AVEN: variants seen among roughly 807,000 people sequenced by gnomAD.
The protein encoded by AVEN is apoptosis and caspase activation inhibitor.
Under a neutral mutation model 38.1 loss-of-function variants are expected in AVEN, and 41 were observed. The observed-to-expected ratio is 1.08, with a 90% CI of 0.84 to 1.40. AVEN has a LOEUF of 1.40. Ranked by LOEUF, AVEN falls within the 40% of genes most tolerant of loss-of-function variation. The pLI is 0.00. For missense variants in AVEN, 605 were observed against 438.8 expected, an observed-to-expected ratio of 1.38 and a Z score of -3.38; for synonymous variants, 206 against 171.8, an observed-to-expected ratio of 1.20 and a Z score of -1.56.
chr15:33,968,658 G>A (rs1324639588), intron 2 of AVEN: 2 of 152,092 alleles, frequency 1.3e-5, no homozygotes, highest in Admixed American at 6.6e-5. Flanking sequence ...GGAAGCTGAT[G>A]GACTGAAAAG....
At chr15:33,916,644 C>T (rs1173254230) in intron 2 of AVEN, among the ~76,000 whole-genome samples, 1 of 152,064 alleles carries the variant, frequency 6.6e-6, no homozygotes, top group African/African-American at 2.4e-5. Context: ...TGCAATACTA[C>T]ATTACTCCTG....
At chr15:34,055,659 G>C (rs1011770030) in intron 5 of AVEN, among the ~76,000 whole-genome samples, 8 of 148,182 alleles carry the variant, frequency 5.4e-5, no homozygotes, top group Non-Finnish European at 8.9e-5. Flanking sequence ...AAATTAGCCA[G>C]GCATGGTGGC....
intron 3 of AVEN, chr15:34,066,268 C>T (rs1364895275): frequency 6.6e-6 from 1 of 152,224 alleles, no homozygotes; most frequent in African/African-American, 2.4e-5. Context: ...ACCTGCTCTA[C>T]CAGCGCCAGA....
chr15:34,015,373 T>A (rs1464979327), intron 1 of AVEN, among the ~76,000 whole-genome samples: 1 of 151,868 alleles, frequency 6.6e-6, no homozygotes, highest in African/African-American at 2.4e-5. Flanking sequence ...GTCCAGCTAC[T>A]CGGGAGGCTG....
intron 2 of AVEN, among the ~76,000 whole-genome samples, chr15:33,925,266 G>A (rs971729228): frequency 6.6e-6 from 1 of 152,160 alleles, no homozygotes; most frequent in African/African-American, 2.4e-5. Flanking sequence ...AGGGATAAAT[G>A]ATTAATGTTA....
At chr15:33,917,393 CACA>C (rs756814704) in intron 2 of AVEN, among the ~76,000 whole-genome samples, 870 of 2,238 alleles carry the variant, frequency 0.39, 10 homozygotes, top group African/African-American at 0.47. Context: ...CACACACACA[CACA>C]CATGGAATAC....
chr15:34,053,313 A>ATAT (rs1480493613), intron 5 of AVEN, among the ~76,000 whole-genome samples: 11 of 94,612 alleles, frequency 1.2e-4, no homozygotes, highest in Admixed American at 2.4e-4. Flanking sequence ...AAAAAAAAAA[A>ATAT]AAAAAAATAT....
Position 34,063,595 on chromosome 15 carries a change from A to G in AVEN, n.1127-163T>C, listed in dbSNP as rs148495102. On this transcript the variant is annotated intron_variant and non_coding_transcript_variant, in intron 4 of 11. Coordinates refer to the AVEN transcript ENST00000675287. This position sits in a 1 kb window ranked among gnomAD's most constrained non-coding sequence, Gnocchi z 4.1. ...TCCCAAGCCACTGGCCCAAGCGCCA[A>G]TTGGGCCAAAGCTGAGCAGCTCACC... The G allele has an allele frequency of 3.1e-4, 499 of 1,613,870 alleles. No individual in the cohort carries two copies. Among genetic ancestry groups the G allele is most frequent in the Non-Finnish European group, 3.6e-4 (427 of 1,180,024 alleles).
intron 5 of AVEN, among the ~76,000 whole-genome samples, chr15:34,059,291 CTTCCATAAA>C (rs531541396): frequency 5.9e-4 from 90 of 152,318 alleles, no homozygotes; most frequent in African/African-American, 2.0e-3. Flanking sequence ...TTCCCAGAAA[CTTCCATAAA>C]TTGCTTATGA....
intron 2 of AVEN, among the ~76,000 whole-genome samples, chr15:33,964,048 C>A (rs774321770): frequency 1.3e-5 from 2 of 150,640 alleles, no homozygotes; most frequent in African/African-American, 2.4e-5. Flanking sequence ...TGTGACCACA[C>A]GTTCAAATGT....
Position 34,039,119 on chromosome 15 carries a change from G to C in AVEN, c.-73C>G. The C allele has an allele frequency of 9.5e-7, 1 of 1,049,504 alleles. No homozygotes were observed. The highest frequency in any genetic ancestry group is 1.1e-6 in the Non-Finnish European group (1 of 871,432). The allele number at this position is 1,049,504 out of a possible 1,614,324, so 65.0% of individuals were successfully genotyped here. A position where few individuals can be genotyped will look rare whatever the true frequency, so the allele number is the denominator to read the frequency against. On this transcript the variant is annotated 5_prime_UTR_variant, in exon 1 of 6. Transcript: ENST00000306730. ...GAGACGCCCTGGCCCCACCGGAAGC[G>C]GGCCGCACGGAGGAGCCGCGAGCGA...
intron 2 of AVEN, among the ~76,000 whole-genome samples, chr15:34,068,202 T>C (rs549405951): frequency 5.2e-4 from 78 of 150,902 alleles, no homozygotes; most frequent in Admixed American, 1.5e-3. Context: ...TACCACTAAA[T>C]ACTTCTTGAG....
chr15:33,866,079 G>A (rs911932832), downstream of AVEN: 2 of 156,892 alleles, frequency 1.3e-5, no homozygotes, highest in Non-Finnish European at 1.4e-5. Context: ...AGTGCCCACT[G>A]CAATAAAGTA....
intron 2 of AVEN, among the ~76,000 whole-genome samples, chr15:33,994,819 C>T (rs1309098342): frequency 6.6e-6 from 1 of 152,132 alleles, no homozygotes; most frequent in Non-Finnish European, 1.5e-5. Context: ...TAAAGGTGTA[C>T]TCTTAGATAA....
intron 2 of AVEN, among the ~76,000 whole-genome samples, chr15:33,966,945 T>C (rs1895410290): frequency 6.6e-6 from 1 of 152,094 alleles, no homozygotes; most frequent in Non-Finnish European, 1.5e-5. Flanking sequence ...TTTACTTCTC[T>C]CATTTTGGAT....
At chr15:33,999,365 T>C (rs1407347231) in intron 2 of AVEN, among the ~76,000 whole-genome samples, 1 of 152,210 alleles carries the variant, frequency 6.6e-6, no homozygotes, top group Non-Finnish European at 1.5e-5. Flanking sequence ...AGTGCTTTCA[T>C]TAGACTCTAC....
At chr15:33,947,461 G>T (rs193002726) in intron 2 of AVEN, among the ~76,000 whole-genome samples, 5 of 152,316 alleles carry the variant, frequency 3.3e-5, no homozygotes, top group Admixed American at 6.5e-5. Flanking sequence ...TGCGTTTGGG[G>T]ACCACATCCA....
At chr15:33,906,034 T>A (rs970827648) in intron 2 of AVEN, among the ~76,000 whole-genome samples, 38 of 152,150 alleles carry the variant, frequency 2.5e-4, no homozygotes, top group Non-Finnish European at 4.3e-4. Context: ...AGGCATGCAT[T>A]AAGTTGTTAA....
chr15:33,932,783 C>G (rs943423723), intron 2 of AVEN, among the ~76,000 whole-genome samples: 2 of 151,790 alleles, frequency 1.3e-5, no homozygotes, highest in Non-Finnish European at 2.9e-5. Context: ...CGAGATCGTG[C>G]CATTGCACTC....
Sources: allele counts gnomAD v4.1 joint callset (sites outside exome capture counted in the v4.1 genomes callset), GRCh38; gene constraint gnomAD v4.1.1; non-coding constraint Gnocchi (gnomAD v3.1); transcripts MANE v1.5; gene names NCBI Gene and HGNC (gene_info 2026-07-23, HGNC 2026-07-21).